The following PLA2G6 variants were observed in gnomAD, a reference collection of about 807,000 sequenced individuals.
PLA2G6 encodes phospholipase A2 group VI.
Under a neutral mutation model 83.8 loss-of-function variants are expected in PLA2G6, and 62 were observed. The ratio of observed to expected loss-of-function variants is 0.74; its 90% confidence interval spans 0.60 to 0.91. The LOEUF (loss-of-function observed/expected upper bound fraction) is 0.91, where lower values mean the gene tolerates loss of function less well. PLA2G6 is among the 40% of genes least tolerant of loss of function. The pLI, the probability that PLA2G6 is intolerant of heterozygous loss-of-function variation, is 0.00. For missense variants in PLA2G6, 944 were observed against 1,102.0 expected, an observed-to-expected ratio of 0.86 and a Z score of 2.03; for synonymous variants, 417 against 449.8, an observed-to-expected ratio of 0.93 and a Z score of 0.92.
chr22:38,119,933 A>G (rs976381746), intron 12 of PLA2G6, among the ~76,000 whole-genome samples: 1 of 152,158 alleles, frequency 6.6e-6, no homozygotes, highest in African/African-American at 2.4e-5. Flanking sequence ...AAAAACAAAA[A>G]ACAAAAACCT....
chr22:38,132,795 G>T lies in PLA2G6; in HGVS notation c.1077+36C>A, dbSNP rs764392394. ...GACAGCCCTCCTGCATTCCCACCGG[G>T]GCCCCACAGGGCAGGACACGCGGTC... On this transcript the variant is annotated intron_variant, in intron 7 of 16. Transcript: ENST00000332509. This position sits in a 1 kb window ranked among gnomAD's most constrained non-coding sequence, Gnocchi z 5.0. The T allele has an allele frequency of 1.3e-6, 2 of 1,526,192 alleles. No individual in the cohort carries two copies. Among genetic ancestry groups the T allele is most frequent in the South Asian group, 1.2e-5 (1 of 83,606 alleles). The allele number at this position is 1,526,192 out of a possible 1,614,324, so 94.5% of individuals were successfully genotyped here. A position where few individuals can be genotyped will look rare whatever the true frequency, so the allele number is the denominator to read the frequency against.
chr22:38,116,304 G>C, intron 12 of PLA2G6, 93 bp from the exon 13 acceptor site: 2 of 1,357,246 alleles, frequency 1.5e-6, no homozygotes, highest in Non-Finnish European at 2.1e-6. Flanking sequence ...TTGGGTAGCA[G>C]AGTGCCCACT....
In PLA2G6 at chr22:38,171,874, C is replaced by A. The variant is rs373119633; in HGVS notation, c.-45-2403G>T. 2.0e-3 allele frequency among the ~76,000 whole-genome samples: 310 copies of A among 151,946 alleles called. 1 individual carries two copies. The highest frequency in any genetic ancestry group is 7.3e-3 in the African/African-American group (303 of 41,432). On this transcript the variant is annotated intron_variant, in intron 1 of 16. Transcript: ENST00000332509. ...ACAGGGTCTTACCACGTTGCTCAGG[C>A]TGGTCTCGAACGCCCGGGTTCAAGC... is the stretch of plus-strand genomic sequence containing the variant.
intron 1 of PLA2G6, among the ~76,000 whole-genome samples, chr22:38,174,500 G>A (rs910620762): frequency 1.3e-5 from 2 of 152,238 alleles, no homozygotes; most frequent in Admixed American, 6.5e-5. Context: ...TTCCCTGGAA[G>A]TGACTACCTG....
intron 6 of PLA2G6, 130 bp downstream of exon 6, chr22:38,134,858 G>GCA (rs1227184323): frequency 4.6e-6 from 3 of 650,586 alleles, no homozygotes; most frequent in Non-Finnish European, 8.2e-6. Context: ...TTCTCTGCCT[G>GCA]CACACCCACT....
intron 12 of PLA2G6, among the ~76,000 whole-genome samples, chr22:38,119,185 G>A (rs566628044): frequency 6.6e-6 from 1 of 152,236 alleles, no homozygotes; most frequent in Admixed American, 6.5e-5. Flanking sequence ...CTGCCACCCA[G>A]ACACCAGGAC....
intron 10 of PLA2G6, among the ~76,000 whole-genome samples, chr22:38,125,189 CAT>C (rs1376076679): frequency 3.3e-5 from 5 of 151,872 alleles, no homozygotes; most frequent in Non-Finnish European, 7.4e-5. Context: ...TATGTGTGCG[CAT>C]GTGTATGTGT....
intron 4 of PLA2G6, chr22:38,140,403 G>A (rs1470740272): frequency 4.1e-6 from 2 of 489,144 alleles, no homozygotes; most frequent in East Asian, 4.1e-5. Context: ...AGCTACTCAG[G>A]AACCTGAGGA....
Position 38,152,968 on chromosome 22 carries a change from G to A in PLA2G6, c.210-7315C>T, listed in dbSNP as rs1484359283. 3.8e-4 allele frequency among the ~76,000 whole-genome samples: 56 copies of A among 147,410 alleles called. No individual in the cohort carries two copies. The South Asian group carries it at 0.011, about 28-fold the overall frequency. ...GTATAGGAAGACGTCCTCCTGCGGG[G>A]AAAAAAAAAAAGGAAGCACATAGGT... is the stretch of plus-strand genomic sequence containing the variant. On this transcript the variant is annotated intron_variant, in intron 2 of 16. Coordinates refer to ENST00000332509, the MANE Select transcript of PLA2G6 (RefSeq NM_003560.4).
At chr22:38,119,325 G>A (rs1055377727) in intron 12 of PLA2G6, among the ~76,000 whole-genome samples, 2 of 152,136 alleles carry the variant, frequency 1.3e-5, no homozygotes, top group Non-Finnish European at 2.9e-5. Flanking sequence ...CTGAGGAAGC[G>A]GAGGGAAGGA....
Position 38,113,730 on chromosome 22 carries a change from G to A in PLA2G6, c.2035-76C>T, listed in dbSNP as rs780320045. The A allele has an allele frequency of 1.9e-5, 26 of 1,371,970 alleles. 1 individual carries two copies. Among genetic ancestry groups the A allele is most frequent in the South Asian group, 1.9e-4 (16 of 85,944 alleles). The allele number at this position is 1,371,970 out of a possible 1,614,324, so 85.0% of individuals were successfully genotyped here. A position where few individuals can be genotyped will look rare whatever the true frequency, so the allele number is the denominator to read the frequency against. On this transcript the variant is annotated intron_variant, in intron 14 of 16. Coordinates refer to ENST00000332509, the MANE Select transcript of PLA2G6 (RefSeq NM_003560.4). ...GGCACGAAGGGGAGCGTCAAGGGGAGGCCCAAGACTGGGCTCTGGGGCACA... is the reference window on the plus strand; with the variant it reads ...GGCACGAAGGGGAGCGTCAAGGGGAAGCCCAAGACTGGGCTCTGGGGCACA...
intron 1 of PLA2G6, 98 bp from the exon 2 acceptor site, chr22:38,169,569 C>A (rs1359773958): frequency 7.0e-6 from 5 of 718,896 alleles, no homozygotes; most frequent in African/African-American, 1.7e-5. Flanking sequence ...GATCACTCCC[C>A]ACCAGCGTTG....
chr22:38,136,057 A>C (rs1212644478), intron 5 of PLA2G6: 1 of 152,238 alleles, frequency 6.6e-6, no homozygotes, highest in African/African-American at 2.4e-5. Context: ...TGCTAAGTGA[A>C]ATAAGCCAGG....
intron 3 of PLA2G6, 24 bp from the exon 4 acceptor site, chr22:38,143,312 C>T: frequency 1.2e-6 from 2 of 1,605,496 alleles, no homozygotes; most frequent in African/African-American, 2.7e-5. Context: ...CCAGGGTGAG[C>T]AGAGGTGAGC....
chr22:38,156,199 G>A (rs1010273037), intron 2 of PLA2G6, among the ~76,000 whole-genome samples: 1 of 152,306 alleles, frequency 6.6e-6, no homozygotes, highest in South Asian at 2.1e-4. Context: ...GAGCTAAAGA[G>A]AGAGATAGAC....
chr22:38,115,572 A>G lies in PLA2G6; in HGVS notation c.1989T>C (p.Asp663=), dbSNP rs376610322. Residue 663 remains aspartate (D), a synonymous_variant, in exon 14 of 17, where the codon GAT becomes GAC. Coordinates refer to ENST00000332509, the MANE Select transcript of PLA2G6 (RefSeq NM_003560.4). ...GGLLANNPTL[D]AMTEIHEYNQ... ...TGTACTCATGGATCTCGGTCATGGC[A>G]TCCAGCGTGGGGTTGTTGGCCAGCA... The G allele has an allele frequency of 1.2e-6, 2 of 1,613,550 alleles. No homozygotes were observed. The highest frequency in any genetic ancestry group is 1.1e-5 in the South Asian group (1 of 90,978).
Position 38,126,482 on chromosome 22 carries a change from A to T in PLA2G6, c.1349-33T>A. 4 of 1,567,762 alleles carry T rather than the reference A, an allele frequency of 2.6e-6. No homozygotes were observed. In the South Asian group the frequency reaches 4.4e-5, roughly 17 times the overall value. On this transcript the variant is annotated intron_variant, in intron 9 of 16. Transcript: ENST00000332509. ...GCACAGAGCAGGGCATGCTGTGGTC[A>T]GGTGGGTCCCCAAGCCCTGCTACCC...
At position 38,123,947 on chromosome 22, in the gene PLA2G6, T is replaced by G. The variant is rs988207950; in HGVS notation, c.1428-689A>C. On this transcript the variant is annotated intron_variant, in intron 10 of 16. Transcript: ENST00000332509. The surrounding 1 kb of genome is among the most constrained non-coding windows in gnomAD (Gnocchi z 4.1). The stretch of plus-strand genomic sequence containing the variant: ...GCCTCCCGGGTTCAAACGATTCTCC[T>G]GCCTCAACCTCCCGAGTAGCTGGGA... Among the ~76,000 whole-genome samples, 2 of 152,146 alleles carry G rather than the reference T, an allele frequency of 1.3e-5. No individual in the cohort carries two copies. Among genetic ancestry groups the G allele is most frequent in the Non-Finnish European group, 2.9e-5 (2 of 68,020 alleles).
intron 1 of PLA2G6, among the ~76,000 whole-genome samples, chr22:38,174,224 G>T (rs993690437): frequency 3.3e-5 from 5 of 151,354 alleles, no homozygotes; most frequent in African/African-American, 1.2e-4. Flanking sequence ...GTGAAACCCC[G>T]TCTCTACTAA....
Sources: gnomAD v4.1 joint callset for allele counts (sites outside exome capture counted in the v4.1 genomes callset) on GRCh38, gnomAD v4.1.1 for gene constraint, Gnocchi (gnomAD v3.1) non-coding constraint, MANE v1.5 for transcripts, NCBI Gene and HGNC (gene_info 2026-07-23, HGNC 2026-07-21) for gene names.